The following PALLD variants were observed in gnomAD, a reference collection of about 807,000 sequenced individuals.
PALLD encodes the protein palladin.
PALLD carries 61 observed loss-of-function variants against 123.5 expected under a neutral mutation model. The observed-to-expected ratio is 0.49, with a 90% CI of 0.40 to 0.61. The LOEUF is 0.61. Among genes scored for constraint, PALLD ranks in the 20% least tolerant of loss-of-function variants. The probability of loss-of-function intolerance (pLI) is 0.00; values close to 1 mark genes in which losing one functional copy is unlikely to be tolerated. For synonymous variants in PALLD, 465 were observed against 496.4 expected (o/e 0.94, Z 0.84); for missense variants, 1,273 against 1,377.0 (o/e 0.92, Z 1.20).
chr4:168,617,400 T>C (rs921033941), intron 2 of PALLD, among the ~76,000 whole-genome samples: 5 of 152,196 alleles, frequency 3.3e-5, no homozygotes, highest in South Asian at 2.1e-4. Context: ...AGCTGATTTC[T>C]TATAAGCAAG....
chr4:168,679,108 GTGTGTGTGTGTGTGT>G (rs1781203848), intron 3 of PALLD, among the ~76,000 whole-genome samples: 1 of 135,662 alleles, frequency 7.4e-6, no homozygotes, highest in African/African-American at 2.8e-5. Flanking sequence ...TTTATGGTGG[GTGTGTGTGTGTGTGT>G]GGTGGGGTGA....
At chr4:168,898,263 C>T (rs1320006450) in intron 13 of PALLD, 1 of 566,356 alleles carries the variant, frequency 1.8e-6, no homozygotes, top group African/African-American at 1.9e-5. Flanking sequence ...ATTCATCTTT[C>T]CTACCCCCCT....
intron 2 of PALLD, among the ~76,000 whole-genome samples, chr4:168,514,068 T>C (rs895063455): frequency 6.6e-6 from 1 of 151,830 alleles, no homozygotes; most frequent in African/African-American, 2.4e-5. Flanking sequence ...ATCATATCAC[T>C]GTACTCCACT....
At chr4:168,548,020 G>A (rs1171745803) in intron 2 of PALLD, among the ~76,000 whole-genome samples, 2 of 149,638 alleles carry the variant, frequency 1.3e-5, no homozygotes, top group Admixed American at 1.3e-4. Context: ...ATTCCAGCCT[G>A]GGCAACAAAG....
chr4:168,902,477 G>T (rs887277426), intron 14 of PALLD, among the ~76,000 whole-genome samples: 6 of 151,920 alleles, frequency 3.9e-5, no homozygotes, highest in Admixed American at 1.3e-4. Flanking sequence ...AACTTAAATC[G>T]AAAATAATAA....
At chr4:168,544,426 T>C (rs924740632) in intron 2 of PALLD, among the ~76,000 whole-genome samples, 11 of 152,356 alleles carry the variant, frequency 7.2e-5, no homozygotes, top group Non-Finnish European at 7.3e-5. Context: ...TTAATGTGTG[T>C]GTTAATTACC....
At chr4:168,878,438 C>T (rs780116324) in intron 10 of PALLD, 56 of 1,410,432 alleles carry the variant, frequency 4.0e-5, no homozygotes, top group Non-Finnish European at 4.6e-5. Flanking sequence ...CCCTCCGCCT[C>T]GGGTCGCCCT....
At chr4:168,583,857 T>C (rs1208464987) in intron 2 of PALLD, among the ~76,000 whole-genome samples, 2 of 152,192 alleles carry the variant, frequency 1.3e-5, no homozygotes, top group Non-Finnish European at 2.9e-5. Flanking sequence ...TTCGATATCT[T>C]TTCTTTCTTC....
intron 10 of PALLD, among the ~76,000 whole-genome samples, chr4:168,741,562 G>A (rs1410556859): frequency 6.6e-6 from 1 of 152,074 alleles, no homozygotes; most frequent in Non-Finnish European, 1.5e-5. Flanking sequence ...GCTCATGCCT[G>A]TAGTCCCAGC....
intron 8 of PALLD, among the ~76,000 whole-genome samples, chr4:168,701,425 C>T (rs1358527054): frequency 6.6e-6 from 1 of 152,210 alleles, no homozygotes; most frequent in Admixed American, 6.5e-5. Context: ...GATAAAATTT[C>T]GTTCTTATTA....
intron 1 of PALLD, among the ~76,000 whole-genome samples, chr4:168,508,886 T>C (rs1762271654): frequency 1.3e-5 from 2 of 152,206 alleles, no homozygotes; most frequent in South Asian, 2.1e-4. Context: ...CCCCTAAAGT[T>C]ATCTACCATG....
At chr4:168,570,437 A>G (rs190233657) in intron 2 of PALLD, among the ~76,000 whole-genome samples, 190 of 152,290 alleles carry the variant, frequency 1.2e-3, no homozygotes, top group Middle Eastern at 3.4e-3. Context: ...TACCTTTTAG[A>G]CACGCCTTCA....
intron 10 of PALLD, among the ~76,000 whole-genome samples, chr4:168,761,363 C>T (rs531284350): frequency 6.6e-6 from 1 of 152,232 alleles, no homozygotes; most frequent in African/African-American, 2.4e-5. Flanking sequence ...GCATGTAAAA[C>T]TCGGAGATTC....
At chr4:168,712,215 C>G (rs968791988) in intron 10 of PALLD, 1 of 500,474 alleles carries the variant, frequency 2.0e-6, no homozygotes, top group African/African-American at 1.9e-5. Context: ...GTAGCCACTC[C>G]CTGGAGGCCA....
intron 10 of PALLD, among the ~76,000 whole-genome samples, chr4:168,737,377 A>G (rs1345387881): frequency 6.6e-6 from 1 of 152,218 alleles, no homozygotes; most frequent in Non-Finnish European, 1.5e-5. Flanking sequence ...AGAGTAAGAA[A>G]CTAAAGAAAA....
At chr4:168,889,402 G>A (rs1409641624) in intron 10 of PALLD, among the ~76,000 whole-genome samples, 2 of 151,862 alleles carry the variant, frequency 1.3e-5, no homozygotes, top group African/African-American at 2.4e-5. Context: ...GACCTCAGGG[G>A]ATTCACCCAC....
intron 15 of PALLD, among the ~76,000 whole-genome samples, chr4:168,912,627 T>A (rs1447736120): frequency 2.0e-5 from 3 of 152,212 alleles, no homozygotes; most frequent in African/African-American, 4.8e-5. Context: ...TTATACATAT[T>A]TATGAGGTAC....
intron 10 of PALLD, among the ~76,000 whole-genome samples, chr4:168,777,695 C>A (rs1257777756): frequency 6.6e-6 from 1 of 152,150 alleles, no homozygotes; most frequent in Non-Finnish European, 1.5e-5. Context: ...CCTGATATAT[C>A]CAGAAAATAC....
intron 10 of PALLD, among the ~76,000 whole-genome samples, chr4:168,752,130 C>A (rs9942190): frequency 6.6e-6 from 1 of 152,030 alleles, no homozygotes; most frequent in Non-Finnish European, 1.5e-5. Flanking sequence ...CCCAGCACTT[C>A]GGGAGGCCGA....
Sources: gnomAD v4.1 joint callset for allele counts (sites outside exome capture counted in the v4.1 genomes callset) on GRCh38, gnomAD v4.1.1 for gene constraint, MANE v1.5 for transcripts, NCBI Gene and HGNC (gene_info 2026-07-23, HGNC 2026-07-21) for gene names.